The following PCDH15 variants were observed in gnomAD, a reference collection of about 807,000 sequenced individuals.
The protein encoded by PCDH15 is protocadherin related 15.
In PCDH15, 129 loss-of-function variants were observed where a neutral mutation model predicts 178.5. That is an observed-to-expected ratio of 0.72 (90% confidence interval 0.63 to 0.84). The LOEUF is 0.84. Ranked by LOEUF, PCDH15 falls within the 40% of genes least tolerant of loss-of-function variation. PCDH15 has a pLI of 0.00. For synonymous variants in PCDH15, 800 were observed against 732.0 expected (o/e 1.09, Z -1.50); for missense variants, 2,230 against 2,099.9 (o/e 1.06, Z -1.21).
chr10:55,448,322 C>T (rs1414919826), intron 2 of PCDH15, among the ~76,000 whole-genome samples: 1 of 151,884 alleles, frequency 6.6e-6, no homozygotes, highest in Non-Finnish European at 1.5e-5. Flanking sequence ...ACTAACATCA[C>T]TCTGTAATAA....
At chr10:54,248,537 A>T (rs140873088) in intron 8 of PCDH15, among the ~76,000 whole-genome samples, 36 of 152,186 alleles carry the variant, frequency 2.4e-4, no homozygotes, top group Admixed American at 3.3e-4. Flanking sequence ...AGCAGTTGGC[A>T]GGTACCAAGA....
chr10:53,995,327 A>G, intron 21 of PCDH15: 1 of 365,196 alleles, frequency 2.7e-6, no homozygotes. Flanking sequence ...TGGAAAATAC[A>G]TAAATTTAAA....
intron 14 of PCDH15, among the ~76,000 whole-genome samples, chr10:54,139,214 T>G (rs2043162054): frequency 6.6e-6 from 1 of 152,164 alleles, no homozygotes; most frequent in Non-Finnish European, 1.5e-5. Flanking sequence ...AATGTAATGT[T>G]GTTAGTTGAT....
chr10:54,768,164 A>G (rs979526774), intron 1 of PCDH15, among the ~76,000 whole-genome samples: 5 of 152,152 alleles, frequency 3.3e-5, no homozygotes, highest in Admixed American at 3.3e-4. Context: ...ATGTGATTAT[A>G]TGCAGGTCTG....
intron 2 of PCDH15, among the ~76,000 whole-genome samples, chr10:55,103,137 T>G (rs1842610097): frequency 6.6e-6 from 1 of 151,690 alleles, no homozygotes; most frequent in African/African-American, 2.4e-5. Flanking sequence ...GCTTTTCCAT[T>G]TCTCTAAAAA....
intron 2 of PCDH15, among the ~76,000 whole-genome samples, chr10:54,580,864 C>T (rs2090973204): frequency 2.6e-5 from 4 of 151,906 alleles, no homozygotes; most frequent in Admixed American, 2.6e-4. Context: ...ATGATCATCT[C>T]CATAGATGCA....
chr10:55,260,607 G>T, intron 1 of PCDH15, among the ~76,000 whole-genome samples: 1 of 152,104 alleles, frequency 6.6e-6, no homozygotes, highest in East Asian at 1.9e-4. Context: ...AAGAAGATTA[G>T]TTTTACTGGT....
chr10:55,620,637 C>A lies in PCDH15; in HGVS notation c.-156+6988G>T, dbSNP rs570485568. 4.5e-3 allele frequency among the ~76,000 whole-genome samples: 687 copies of A among 151,814 alleles called. 5 individuals carry two copies. The highest frequency in any genetic ancestry group is 7.8e-3 in the Non-Finnish European group (531 of 67,848). On this transcript the variant is annotated intron_variant, in intron 2 of 5. Coordinates refer to the PCDH15 transcript ENST00000613346. ...TGAATATTTGCACCCTAAAAATTTT[C>A]AATTCCATTTTCAATAATGTAGTAG... is the stretch of plus-strand genomic sequence containing the variant.
chr10:55,094,202 C>T (rs1161151436), intron 2 of PCDH15, among the ~76,000 whole-genome samples: 1 of 152,128 alleles, frequency 6.6e-6, no homozygotes, highest in South Asian at 2.1e-4. Flanking sequence ...CCATGGAATA[C>T]TATGCAGCCA....
At chr10:53,926,989 T>C (rs576869453) in intron 25 of PCDH15, among the ~76,000 whole-genome samples, 1 of 152,294 alleles carries the variant, frequency 6.6e-6, no homozygotes, top group Middle Eastern at 3.4e-3. Flanking sequence ...TACTTTTCAT[T>C]ATCTCTGTAG....
intron 16 of PCDH15, among the ~76,000 whole-genome samples, chr10:54,086,360 G>T (rs1420485366): frequency 2.6e-5 from 4 of 152,118 alleles, no homozygotes; most frequent in African/African-American, 9.7e-5. Context: ...TTCATAAGCG[G>T]TCTGCCTCCA....
intron 18 of PCDH15, among the ~76,000 whole-genome samples, chr10:54,055,129 C>T (rs1311760588): frequency 1.3e-5 from 2 of 152,052 alleles, no homozygotes; most frequent in African/African-American, 4.8e-5. Flanking sequence ...ATGACTGTAT[C>T]ACTACCCTTC....
chr10:54,630,479 C>T (rs879447351), intron 2 of PCDH15, among the ~76,000 whole-genome samples: 1 of 152,104 alleles, frequency 6.6e-6, no homozygotes, highest in Non-Finnish European at 1.5e-5. Flanking sequence ...AATGAAACTG[C>T]ACCCTTGCCT....
At chr10:54,289,024 T>A (rs1209506315) in intron 8 of PCDH15, among the ~76,000 whole-genome samples, 1 of 152,350 alleles carries the variant, frequency 6.6e-6, no homozygotes, top group South Asian at 2.1e-4. Flanking sequence ...TCTCCCAGCA[T>A]GGCATTTGGG....
chr10:55,368,954 A>G (rs1265622792), intron 2 of PCDH15, among the ~76,000 whole-genome samples: 1 of 151,166 alleles, frequency 6.6e-6, no homozygotes, highest in Non-Finnish European at 1.5e-5. Context: ...GTGTCTTTAT[A>G]AAATCATTTA....
chr10:54,592,292 CCT>C (rs2133949401), intron 2 of PCDH15, among the ~76,000 whole-genome samples: 1 of 152,054 alleles, frequency 6.6e-6, no homozygotes, highest in South Asian at 2.1e-4. Context: ...CCTCTCTGCT[CCT>C]GTCCCCTCCC....
chr10:54,643,854 C>T (rs1281535058), intron 2 of PCDH15, among the ~76,000 whole-genome samples: 1 of 146,834 alleles, frequency 6.8e-6, no homozygotes, highest in African/African-American at 2.5e-5. Flanking sequence ...TTTTAGGGTA[C>T]ATGTGCACAA....
intron 5 of PCDH15, among the ~76,000 whole-genome samples, chr10:54,359,019 G>A (rs1945536254): frequency 8.1e-6 from 1 of 123,768 alleles, no homozygotes; most frequent in Non-Finnish European, 1.6e-5. Flanking sequence ...TGTGGGGTGG[G>A]GGGAGGGGGA....
chr10:54,036,822 G>A (rs2093427967), intron 18 of PCDH15, among the ~76,000 whole-genome samples: 1 of 151,912 alleles, frequency 6.6e-6, no homozygotes, highest in Non-Finnish European at 1.5e-5. Context: ...TCTGCGCAAA[G>A]TGAACTAAAA....
Sources: allele counts gnomAD v4.1 joint callset (sites outside exome capture counted in the v4.1 genomes callset), GRCh38; gene constraint gnomAD v4.1.1; transcripts MANE v1.5; gene names NCBI Gene and HGNC (gene_info 2026-07-23, HGNC 2026-07-21).